EGF: variants seen among roughly 807,000 people sequenced by gnomAD.
EGF encodes the protein pro-epidermal growth factor.
A neutral mutation model predicts 143.8 loss-of-function variants in EGF; 95 were observed. That is an observed-to-expected ratio of 0.66 (90% CI 0.56 to 0.78). EGF has a LOEUF of 0.78. Ranked by LOEUF, EGF falls within the 30% of genes least tolerant of loss-of-function variation. The pLI is 0.00. For synonymous variants in EGF, 510 were observed against 510.5 expected (o/e 1.00, Z 0.01); for missense variants, 1,320 against 1,470.9 (o/e 0.90, Z 1.68).
rs191894662 is a variant in EGF, at chr4:109,938,333, G to A, written c.128-2613G>A. Among the ~76,000 whole-genome samples the A allele has an allele frequency of 1.2e-4, 18 of 152,264 alleles. No homozygotes were observed. In the East Asian group the frequency reaches 1.7e-3, roughly 15 times the overall value. ...CTATTGAAGCTTGTGCATGTGTCAC[G>A]AAGTTCCTGTGCTGTGGTTTTCAGC... is the stretch of plus-strand genomic sequence containing the variant. On this transcript the variant is annotated intron_variant, in intron 1 of 23. Coordinates refer to ENST00000265171, the MANE Select transcript of EGF (RefSeq NM_001963.6).
chr4:109,959,443 G>T lies in EGF; in HGVS notation c.1066+6G>T. On this transcript the variant is annotated splice_donor_region_variant and intron_variant, in intron 6 of 23. Transcript: ENST00000265171. ...AGACCGGAAGTACTGTGAAGGTAAT[G>T]ACTGGAAGTACTGTGAAGGTAATGG... is the stretch of plus-strand genomic sequence containing the variant. 2 of 1,613,730 alleles carry T rather than the reference G, an allele frequency of 1.2e-6. No individual in the cohort carries two copies. The highest frequency in any genetic ancestry group is 2.2e-5 in the South Asian group (2 of 91,036).
intron 20 of EGF, among the ~76,000 whole-genome samples, chr4:109,997,538 T>C (rs1032431965): frequency 2.0e-5 from 3 of 151,574 alleles, no homozygotes; most frequent in Non-Finnish European, 2.9e-5. Context: ...CTCAGCTCAC[T>C]GCAAGCTCCG....
intron 1 of EGF, among the ~76,000 whole-genome samples, chr4:109,916,785 G>A (rs916805408): frequency 6.6e-6 from 1 of 152,092 alleles, no homozygotes; most frequent in Non-Finnish European, 1.5e-5. Context: ...GAATGTAATG[G>A]TATTTTCTAA....
intron 8 of EGF, among the ~76,000 whole-genome samples, chr4:109,962,277 T>C (rs2126061764): frequency 6.6e-6 from 1 of 152,340 alleles, no homozygotes; most frequent in Non-Finnish European, 1.5e-5. Context: ...TCTAGATACT[T>C]GCCCTCTCTT....
intron 9 of EGF, 54 bp from the exon 10 acceptor site, chr4:109,964,347 C>G: frequency 1.9e-6 from 3 of 1,612,416 alleles, no homozygotes; most frequent in Middle Eastern, 1.7e-4. Flanking sequence ...AGAGATGCCT[C>G]TTAGTTTCTA....
intron 1 of EGF, among the ~76,000 whole-genome samples, chr4:109,924,701 A>T (rs1738345844): frequency 6.6e-6 from 1 of 152,218 alleles, no homozygotes; most frequent in Admixed American, 6.5e-5. Context: ...ATTGCAGACA[A>T]CACTAATATT....
intron 22 of EGF, among the ~76,000 whole-genome samples, chr4:110,007,673 G>A (rs545532143): frequency 6.6e-6 from 1 of 152,258 alleles, no homozygotes; most frequent in African/African-American, 2.4e-5. Flanking sequence ...TCATTGCACT[G>A]GTAATTATTA....
At chr4:109,959,168 TG>T in intron 5 of EGF, 143 bp from the exon 6 acceptor site, 3 of 1,313,388 alleles carry the variant, frequency 2.3e-6, no homozygotes, top group Non-Finnish European at 2.1e-6. Flanking sequence ...CTGGGGAATC[TG>T]GGCTCTGGCT....
intron 1 of EGF, among the ~76,000 whole-genome samples, chr4:109,933,350 A>G (rs1740140664): frequency 6.6e-6 from 1 of 151,934 alleles, no homozygotes; most frequent in Admixed American, 6.6e-5. Context: ...TCTCTTAGAC[A>G]TTTATGCTGG....
intron 5 of EGF, 54 bp from the exon 6 acceptor site, chr4:109,959,258 A>G: frequency 1.2e-6 from 2 of 1,611,754 alleles, no homozygotes; most frequent in South Asian, 1.1e-5. Context: ...AAGATTTAGC[A>G]GTGTCCTCTG....
Position 109,993,536 on chromosome 4 carries a change from C to T in EGF, c.2857+167C>T, listed in dbSNP as rs148111237. On this transcript the variant is annotated intron_variant, in intron 19 of 23. Transcript: ENST00000265171. ...GCTGGGCTTGAGAATTTGAAATGGT[C>T]CAAGTTTTCTTAATTTAATAGCATC... 3.6e-3 allele frequency among the ~76,000 whole-genome samples: 546 copies of T among 152,194 alleles called. 1 individual carries two copies. Among genetic ancestry groups the T allele is most frequent in the Non-Finnish European group, 5.4e-3 (369 of 68,010 alleles).
intron 18 of EGF, among the ~76,000 whole-genome samples, chr4:109,992,987 A>C (rs1751227024): frequency 7.1e-6 from 1 of 140,180 alleles, no homozygotes; most frequent in Non-Finnish European, 1.5e-5. Context: ...TAGGAGATAC[A>C]CCTAAAATAA....
At position 110,011,239 on chromosome 4, in the gene EGF, G is replaced by A; in HGVS notation, c.3408G>A (p.Gln1136=). The part of the protein sequence containing the change: ...MQPTSWRQEP[Q]LCGMGTEQGC... ...CAACTTCATGGAGGCAGGAGCCCCA[G>A]TTATGTGGAATGGGCACAGAGCAAG... Residue 1136 remains glutamine, a synonymous_variant, in exon 24 of 24, where the codon CAG becomes CAA. Transcript: ENST00000265171. 1 of 1,614,098 alleles carries A rather than the reference G, an allele frequency of 6.2e-7. No individual in the cohort carries two copies. Among genetic ancestry groups the A allele is most frequent in the South Asian group, 1.1e-5 (1 of 91,028 alleles).
At chr4:109,964,732 C>G (rs1207322852) in intron 10 of EGF, among the ~76,000 whole-genome samples, 195 bp downstream of exon 10, 1 of 152,174 alleles carries the variant, frequency 6.6e-6, no homozygotes, top group Non-Finnish European at 1.5e-5. Context: ...TAATGCTACC[C>G]TAGTCCTTGC....
rs11568883 is a variant in EGF at position 109,940,357 on chromosome 4, T to C, written c.128-589T>C. ...CAATATATGTGGAATTCAAATTTAT[T>C]TGGGCATCCTGTATTTATGTGGTAA... is the stretch of plus-strand genomic sequence containing the variant. On this transcript the variant is annotated intron_variant, in intron 1 of 23. Coordinates refer to ENST00000265171, the MANE Select transcript of EGF (RefSeq NM_001963.6). 2.5e-3 allele frequency among the ~76,000 whole-genome samples: 388 copies of C among 152,320 alleles called. 2 individuals carry two copies. Among genetic ancestry groups the C allele is most frequent in the African/African-American group, 8.5e-3 (354 of 41,576 alleles).
intron 5 of EGF, 63 bp downstream of exon 5, chr4:109,945,338 G>A (rs1419516542): frequency 6.5e-7 from 1 of 1,549,752 alleles, no homozygotes; most frequent in African/African-American, 1.4e-5. Flanking sequence ...ACCTGCTTGA[G>A]CCAGACAATG....
intron 20 of EGF, 49 bp from the exon 21 acceptor site, chr4:109,999,630 C>T (rs779749474): frequency 5.6e-6 from 9 of 1,611,780 alleles, no homozygotes; most frequent in East Asian, 2.2e-5. Context: ...AAACTATCAG[C>T]GTTTTTGGCC....
intron 5 of EGF, among the ~76,000 whole-genome samples, chr4:109,955,168 G>A (rs1579596917): frequency 6.6e-6 from 1 of 152,136 alleles, no homozygotes; most frequent in Non-Finnish European, 1.5e-5. Flanking sequence ...ACTGGGCCAG[G>A]GTAAAATCTA....
At chr4:109,968,370 G>A (rs1746946799) in intron 10 of EGF, among the ~76,000 whole-genome samples, 1 of 152,152 alleles carries the variant, frequency 6.6e-6, no homozygotes, top group Admixed American at 6.5e-5. Context: ...TTGACCTGCA[G>A]TGACTAAGTA....
Sources: allele counts gnomAD v4.1 joint callset (sites outside exome capture counted in the v4.1 genomes callset), GRCh38; gene constraint gnomAD v4.1.1; transcripts MANE v1.5; gene names NCBI Gene and HGNC (gene_info 2026-07-23, HGNC 2026-07-21).